The following PDHX variants were observed in gnomAD, a reference collection of about 807,000 sequenced individuals.
The protein encoded by PDHX is pyruvate dehydrogenase protein X component, mitochondrial.
In PDHX, 33 loss-of-function variants were observed where a neutral mutation model predicts 55.3. That is an observed-to-expected ratio of 0.60 (90% CI 0.45 to 0.80). The LOEUF (loss-of-function observed/expected upper bound fraction) is 0.80. PDHX is among the 30% of genes least tolerant of loss of function. PDHX has a pLI of 0.00. For synonymous variants in PDHX, 226 were observed against 219.4 expected (o/e 1.03, Z -0.27); for missense variants, 622 against 619.9 (o/e 1.00, Z -0.04).
chr11:34,941,885 C>T (rs1482489089), intron 2 of PDHX: 7 of 154,316 alleles, frequency 4.5e-5, no homozygotes, highest in Middle Eastern at 6.6e-4. Context: ...TCTGCTCTGG[C>T]CCCTCCTGGG....
At position 34,931,454 on chromosome 11, in the gene PDHX, G is replaced by T. The variant is rs912318281; in HGVS notation, c.211G>T (p.Gly71Ter). Residue 71 changes from glycine (G) to a stop codon, truncating the protein, a stop_gained, in exon 2 of 11, where the codon GGA (glycine) becomes TGA (stop). Transcript: ENST00000227868. LOFTEE classifies it high-confidence loss of function. ...MPSLSPTMEE[G>*]NIVKWLKKEG... ...ATCACTGTCTCCTACAATGGAAGAA[G>T]GAAACATTGTGAAATGGCTGAAAAA... 6.9e-6 allele frequency: 11 copies of T among 1,604,718 alleles called. No individual in the cohort carries two copies. The highest frequency in any genetic ancestry group is 9.4e-6 in the Non-Finnish European group (11 of 1,172,558).
intron 3 of PDHX, among the ~76,000 whole-genome samples, chr11:34,950,222 T>C (rs1590745713): frequency 6.6e-6 from 1 of 152,102 alleles, no homozygotes; most frequent in East Asian, 1.9e-4. Flanking sequence ...TTTGAAGTTG[T>C]AGAGGCTTCA....
At chr11:34,944,136 TAGAC>T (rs1229660121) in intron 2 of PDHX, among the ~76,000 whole-genome samples, 49 of 151,116 alleles carry the variant, frequency 3.2e-4, no homozygotes, top group African/African-American at 1.1e-3. Flanking sequence ...TATTATTTTT[TAGAC>T]AGAGTTTTTG....
At chr11:34,919,903 C>T (rs1853831734) in intron 1 of PDHX, among the ~76,000 whole-genome samples, 1 of 152,132 alleles carries the variant, frequency 6.6e-6, no homozygotes, top group African/African-American at 2.4e-5. Context: ...AGCTCCTGGA[C>T]ATGCAATCCA....
intron 2 of PDHX, 80 bp downstream of exon 2, chr11:34,931,564 C>G: frequency 1.3e-6 from 1 of 746,130 alleles, no homozygotes; most frequent in Non-Finnish European, 2.4e-6. Flanking sequence ...CTAATCTGTC[C>G]TGTTATACAG....
At chr11:34,924,689 T>C (rs1221828159) in intron 1 of PDHX, among the ~76,000 whole-genome samples, 4 of 152,168 alleles carry the variant, frequency 2.6e-5, no homozygotes, top group Non-Finnish European at 4.4e-5. Flanking sequence ...CTCCTTGAGT[T>C]TTTTTAAATT....
At chr11:34,971,148 T>C (rs996529523) in intron 7 of PDHX, among the ~76,000 whole-genome samples, 1 of 152,198 alleles carries the variant, frequency 6.6e-6, no homozygotes, top group Non-Finnish European at 1.5e-5. Context: ...TTTGATTTTA[T>C]ATTTCTTGTT....
intron 3 of PDHX, among the ~76,000 whole-genome samples, chr11:34,952,159 A>G (rs1345298199): frequency 2.0e-5 from 3 of 151,404 alleles, no homozygotes; most frequent in Non-Finnish European, 4.4e-5. Flanking sequence ...TTGAATCTGA[A>G]TAGACCAATA....
chr11:34,976,146 C>T (rs1265752013), intron 7 of PDHX, among the ~76,000 whole-genome samples: 1 of 152,124 alleles, frequency 6.6e-6, no homozygotes, highest in African/African-American at 2.4e-5. Context: ...ATTATCTTTG[C>T]ATGGTCCAGT....
chr11:34,991,029 A>G (rs1855746012), intron 9 of PDHX, among the ~76,000 whole-genome samples: 2 of 152,148 alleles, frequency 1.3e-5, no homozygotes, highest in African/African-American at 4.8e-5. Context: ...TTTATATATG[A>G]TGACTCAACC....
chr11:34,984,727 AG>A lies in PDHX; in HGVS notation c.1182+1del, dbSNP rs1263484031. On this transcript the variant is annotated frameshift_variant and splice_region_variant, in exon 9 of 11. Transcript: ENST00000227868. LOFTEE classifies it high-confidence loss of function. ...ATCCAGGAAATTGCTGACTCTGTAA[AG>A]GTATGTCTTAAGAAAGAGTGTGCTT... is the stretch of plus-strand genomic sequence containing the variant. Reference protein sequence around the residue: ...KGIQEIADSVKALSKKARDGK... With the variant: ...KGIQEIADSVXALSKKARDGK... 1 of 1,613,688 alleles carries A rather than the reference AG, an allele frequency of 6.2e-7. No individual in the cohort carries two copies. Among genetic ancestry groups the A allele is most frequent in the South Asian group, 1.1e-5 (1 of 91,078 alleles).
chr11:34,994,926 G>C lies in PDHX; in HGVS notation c.1260G>C (p.Leu420Phe). Reference sequence around the variant, plus strand: ...CTTTTCCCCCTAGTATTTCCAACTTGGGGATGTTTGGCATCGACGAATTTA... The same window carrying C: ...CTTTTCCCCCTAGTATTTCCAACTTCGGGATGTTTGGCATCGACGAATTTA... The part of the protein sequence containing the change: ...YQGGSFSISN[L>F]GMFGIDEFTA... The change falls in exon 11 of 11, where the codon TTG becomes TTC. Residue 420 changes from leucine (L) to phenylalanine (F), a missense_variant. Coordinates refer to ENST00000227868, the MANE Select transcript of PDHX (RefSeq NM_003477.3). The C allele has an allele frequency of 6.2e-7, 1 of 1,613,830 alleles. No individual in the cohort carries two copies.
At chr11:34,961,556 G>A (rs1006592972) in intron 5 of PDHX, among the ~76,000 whole-genome samples, 4 of 152,154 alleles carry the variant, frequency 2.6e-5, no homozygotes, top group Non-Finnish European at 4.4e-5. Context: ...AGAGAGCAAT[G>A]GTTGTTAAAT....
chr11:34,992,132 G>C (rs1363916591), intron 9 of PDHX, among the ~76,000 whole-genome samples, 183 bp from the exon 10 acceptor site: 2 of 152,024 alleles, frequency 1.3e-5, no homozygotes, highest in African/African-American at 4.8e-5. Flanking sequence ...AACAGCTTTA[G>C]TTTCTTGAAT....
At chr11:34,945,372 TTTC>T (rs755917356) in intron 2 of PDHX, among the ~76,000 whole-genome samples, 7 of 152,190 alleles carry the variant, frequency 4.6e-5, no homozygotes, top group Non-Finnish European at 1.0e-4. Flanking sequence ...TGCTTCCACT[TTTC>T]TTCTTGATGA....
intron 9 of PDHX, among the ~76,000 whole-genome samples, chr11:34,989,857 G>A (rs1564934629): frequency 2.6e-5 from 4 of 152,076 alleles, no homozygotes; most frequent in Admixed American, 2.0e-4. Context: ...ACTGTCCATT[G>A]CCATTTATCT....
intron 9 of PDHX, among the ~76,000 whole-genome samples, chr11:34,985,679 T>G (rs1441568874): frequency 6.6e-6 from 1 of 152,176 alleles, no homozygotes; most frequent in Non-Finnish European, 1.5e-5. Context: ...TCTGATTCAT[T>G]TGGGTAAGTG....
chr11:34,967,190 A>T (rs1855156795), intron 6 of PDHX, among the ~76,000 whole-genome samples: 1 of 152,166 alleles, frequency 6.6e-6, no homozygotes, highest in African/African-American at 2.4e-5. Context: ...GAGAGAGAAA[A>T]TAAGAACAAT....
At chr11:34,968,528 A>C (rs972471639) in intron 6 of PDHX, among the ~76,000 whole-genome samples, 5 of 152,218 alleles carry the variant, frequency 3.3e-5, no homozygotes, top group Non-Finnish European at 7.3e-5. Context: ...TTTTTGAGAG[A>C]TCCAAGGAAC....
Sources: allele counts gnomAD v4.1 joint callset (sites outside exome capture counted in the v4.1 genomes callset), GRCh38; gene constraint gnomAD v4.1.1; transcripts MANE v1.5; gene names NCBI Gene and HGNC (gene_info 2026-07-23, HGNC 2026-07-21).